The following FAT2 variants were observed in gnomAD, a reference collection of about 807,000 sequenced individuals.
FAT2 encodes the protein protocadherin Fat 2.
A neutral mutation model predicts 295.3 loss-of-function variants in FAT2; 150 were observed. The ratio of observed to expected loss-of-function variants is 0.51; its 90% confidence interval spans 0.44 to 0.58. The LOEUF is 0.58. Among genes scored for constraint, FAT2 ranks in the 20% least tolerant of loss-of-function variants. FAT2 has a pLI of 0.00. For synonymous variants in FAT2, 2,026 were observed against 2,150.3 expected, an observed-to-expected ratio of 0.94 and a Z score of 1.60; for missense variants, 4,868 against 5,442.7, an observed-to-expected ratio of 0.89 and a Z score of 3.32.
At chr5:151,552,161 T>C (rs1757276015) in intron 6 of FAT2, among the ~76,000 whole-genome samples, 1 of 152,108 alleles carries the variant, frequency 6.6e-6, no homozygotes, top group Non-Finnish European at 1.5e-5. Context: ...TCTCACTCTG[T>C]CACCCAGGCT....
intron 2 of FAT2, 90 bp downstream of exon 2, chr5:151,565,583 C>T (rs534762739): frequency 1.5e-6 from 2 of 1,325,358 alleles, no homozygotes; most frequent in Non-Finnish European, 2.0e-6. Context: ...CAGGCTGACT[C>T]CTTTTTCCTT....
chr5:151,511,211 G>C (rs911611010), intron 21 of FAT2: 1 of 152,212 alleles, frequency 6.6e-6, no homozygotes, highest in Non-Finnish European at 1.5e-5. Flanking sequence ...AGGTAGAAAT[G>C]ACATGATTAG....
At chr5:151,511,275 T>C (rs1761302305) in intron 21 of FAT2, 1 of 152,174 alleles carries the variant, frequency 6.6e-6, no homozygotes, top group Non-Finnish European at 1.5e-5. Context: ...GCATGTCACA[T>C]GTTGACAGGC....
intron 1 of FAT2, among the ~76,000 whole-genome samples, chr5:151,579,537 A>G (rs968204611): frequency 1.3e-5 from 2 of 152,164 alleles, no homozygotes; most frequent in African/African-American, 4.8e-5. Flanking sequence ...ACACCACTGC[A>G]CTCCAGCCTG....
chr5:151,551,758 G>A, intron 6 of FAT2, 152 bp from the exon 7 acceptor site: 2 of 612,062 alleles, frequency 3.3e-6, no homozygotes, highest in Non-Finnish European at 5.2e-6. Context: ...CTCCCAGGGA[G>A]TCCCAAAACT....
rs370721671 is a variant in FAT2 at position 151,566,410 on chromosome 5, T to A, written c.2522A>T (p.Glu841Val). The change falls in exon 2 of 24, where the codon GAG (glutamate) becomes GTG (valine). Residue 841 changes from glutamate (E) to valine (V), a missense_variant. Physicochemically the swap from Glu to Val is moderately radical, Grantham distance 121. This residue lies in a region of FAT2 where 3,297 missense variants were observed against 3,669.4 expected (regional missense o/e 0.90). Coordinates refer to ENST00000261800, the MANE Select transcript of FAT2 (RefSeq NM_001447.3). ...EDTEVGTTIAELTTKDADSED... is the reference protein window; with the variant it reads ...EDTEVGTTIAVLTTKDADSED... The stretch of plus-strand genomic sequence containing the variant: ...CGAGTCAGCATCTTTGGTTGTCAGC[T>A]CTGCAATTGTGGTTCCAACTTCTGT... The A allele has an allele frequency of 6.2e-7, 1 of 1,613,816 alleles. No homozygotes were observed. Among genetic ancestry groups the A allele is most frequent in the Non-Finnish European group, 8.5e-7 (1 of 1,179,824 alleles).
chr5:151,586,858 A>T (rs1261517472), intron 1 of FAT2, among the ~76,000 whole-genome samples: 1 of 152,200 alleles, frequency 6.6e-6, no homozygotes, highest in African/African-American at 2.4e-5. Flanking sequence ...ACAGTGGCTC[A>T]GGCTGGGCGC....
rs1756590776 is a variant in FAT2, at chr5:151,545,969, G to T, written c.5158C>A (p.His1720Asn). 6.2e-7 allele frequency: 1 copy of T among 1,614,018 alleles called. No individual in the cohort carries two copies. The highest frequency in any genetic ancestry group is 8.5e-7 in the Non-Finnish European group (1 of 1,180,008). Residue 1720 changes from histidine (H) to asparagine (N), a missense_variant, in exon 10 of 24, where the codon CAT becomes AAT. Around this residue, in one of 5 missense-constraint regions of FAT2, gnomAD observed 3,297 missense variants for 3,669.4 expected, o/e 0.90. Coordinates refer to ENST00000261800, the MANE Select transcript of FAT2 (RefSeq NM_001447.3). ...GLISTQKKLD[H>N]EKISSYQLKI... ...AGCTGGTAAGACGAGATTTTCTCAT[G>T]GTCCAATTTCTTCTGGGTGGAAATA...
intron 1 of FAT2, among the ~76,000 whole-genome samples, chr5:151,570,132 C>G (rs1758462333): frequency 6.6e-6 from 1 of 152,202 alleles, no homozygotes. Context: ...AACTAAGGTT[C>G]ATAAAAGGAA....
chr5:151,524,782 T>C (rs940866025), intron 18 of FAT2, among the ~76,000 whole-genome samples: 9 of 152,176 alleles, frequency 5.9e-5, no homozygotes, highest in Non-Finnish European at 1.3e-4. Flanking sequence ...TCAGGCTCTT[T>C]CCCAACTCAT....
chr5:151,571,476 G>A (rs1212400932), intron 1 of FAT2, among the ~76,000 whole-genome samples: 2 of 152,346 alleles, frequency 1.3e-5, no homozygotes, highest in African/African-American at 2.4e-5. Flanking sequence ...TACTCTGCTC[G>A]ATGGCTGCAC....
chr5:151,534,160 C>A (rs936411106), intron 13 of FAT2, among the ~76,000 whole-genome samples: 1 of 152,162 alleles, frequency 6.6e-6, no homozygotes, highest in Non-Finnish European at 1.5e-5. Flanking sequence ...GTCCCCAGGT[C>A]TAAGTGGAAG....
rs1756406387 is a variant in FAT2 at position 151,544,102 on chromosome 5, T to C, written c.7025A>G (p.Gln2342Arg). ...STVQELDYEA[Q>R]QHFHVKVRAM... ...CCTGACTTTCACATGAAAGTGTTGT[T>C]GGGCTTCATAATCCAGTTCTTGAAC... Residue 2342 changes from glutamine to arginine, a missense_variant, in exon 10 of 24, where the codon CAA (glutamine) becomes CGA (arginine). By Grantham distance (43) the Gln-to-Arg change is conservative. Transcript: ENST00000261800. 2 of 1,614,102 alleles carry C rather than the reference T, an allele frequency of 1.2e-6. No individual in the cohort carries two copies. The highest frequency in any genetic ancestry group is 1.7e-6 in the Non-Finnish European group (2 of 1,180,038).
chr5:151,542,751 G>A lies in FAT2; in HGVS notation c.8376C>T (p.Asp2792=). 1 of 1,614,232 alleles carries A rather than the reference G, an allele frequency of 6.2e-7. No individual in the cohort carries two copies. Among genetic ancestry groups the A allele is most frequent in the Non-Finnish European group, 8.5e-7 (1 of 1,180,044 alleles). Residue 2792 remains aspartate, a synonymous_variant, in exon 10 of 24, where the codon GAC becomes GAT. Coordinates refer to ENST00000261800, the MANE Select transcript of FAT2 (RefSeq NM_001447.3). ...SVNIQVGDVN[D]NRPVFEADPY... ...GATCAGCCTCAAATACAGGCCTATT[G>A]TCATTGACGTCTCCCACTTGGATGT...
intron 1 of FAT2, among the ~76,000 whole-genome samples, chr5:151,569,425 C>G (rs1441623663): frequency 6.6e-6 from 1 of 152,144 alleles, no homozygotes; most frequent in Non-Finnish European, 1.5e-5. Flanking sequence ...GAGAAAAACA[C>G]ACCCCCATGA....
In FAT2 at chr5:151,517,753, CT is replaced by C. The variant is rs753528770; in HGVS notation, c.11329del (p.Arg3777GlyfsTer24). The C allele has an allele frequency of 6.2e-7, 1 of 1,614,172 alleles. No individual in the cohort carries two copies. On this transcript the variant is annotated frameshift_variant, in exon 20 of 24. Coordinates refer to ENST00000261800, the MANE Select transcript of FAT2 (RefSeq NM_001447.3). LOFTEE classifies it high-confidence loss of function. The stretch of plus-strand genomic sequence containing the variant: ...CCGCACATAGCTCTGACCACTGAAC[CT>C]TGTAGCAGTACCTGAGAAAGCAACC... ...RSCSCNGTAT[R>X]FSGQSYVRYR...
In FAT2 at chr5:151,544,324, T is replaced by C. The variant is rs1756423817; in HGVS notation, c.6803A>G (p.Asn2268Ser). Reference protein sequence around the residue: ...VEVLVEDVNDNPPTFSQLVYT... With the variant: ...VEVLVEDVNDSPPTFSQLVYT... Reference sequence around the variant, plus strand: ...GACCAATTGGGAAAAAGTGGGAGGGTTATCATTGACATCCTCCACTAGGAC... The same window carrying C: ...GACCAATTGGGAAAAAGTGGGAGGGCTATCATTGACATCCTCCACTAGGAC... The change falls in exon 10 of 24, where the codon AAC (asparagine) becomes AGC (serine). Residue 2268 changes from asparagine to serine, a missense_variant. By Grantham distance (46) the Asn-to-Ser change is conservative. Coordinates refer to ENST00000261800, the MANE Select transcript of FAT2 (RefSeq NM_001447.3). 2 of 1,613,848 alleles carry C rather than the reference T, an allele frequency of 1.2e-6. No individual in the cohort carries two copies. Among genetic ancestry groups the C allele is most frequent in the South Asian group, 1.1e-5 (1 of 91,076 alleles).
intron 5 of FAT2, 105 bp downstream of exon 5, chr5:151,554,257 C>A: frequency 1.9e-6 from 2 of 1,041,400 alleles, no homozygotes; most frequent in Non-Finnish European, 1.4e-6. Context: ...AGGAGAGTAC[C>A]ATTTCCCTTA....
rs2127623467 is a variant in FAT2 at position 151,551,492 on chromosome 5, T to C, written c.4271A>G (p.Asp1424Gly). The C allele has an allele frequency of 6.2e-7, 1 of 1,614,178 alleles. No homozygotes were observed. Among genetic ancestry groups the C allele is most frequent in the Non-Finnish European group, 8.5e-7 (1 of 1,180,032 alleles). ...SNYNLTVEVT[D>G]GSRTIATQVH... is the part of the protein sequence containing the mutation. The stretch of plus-strand genomic sequence containing the variant: ...CTGTGTGGCAATGGTGCGGGACCCA[T>C]CTGTCACCTCAACAGTCAAGTTATA... Residue 1424 changes from aspartate to glycine, a missense_variant, in exon 7 of 24, where the codon GAT becomes GGT. Asp to Gly is a moderately conservative substitution (Grantham distance 94). Coordinates refer to ENST00000261800, the MANE Select transcript of FAT2 (RefSeq NM_001447.3).
Sources: allele counts gnomAD v4.1 joint callset (sites outside exome capture counted in the v4.1 genomes callset), GRCh38; gene constraint gnomAD v4.1.1; regional missense constraint gnomAD v4.1.1; transcripts MANE v1.5; gene names NCBI Gene and HGNC (gene_info 2026-07-23, HGNC 2026-07-21).